KCNMB2: variants seen among roughly 807,000 people sequenced by gnomAD.
KCNMB2 encodes potassium calcium-activated channel subfamily M regulatory beta subunit 2.
A neutral mutation model predicts 24.5 loss-of-function variants in KCNMB2; 9 were observed. The observed-to-expected ratio is 0.37, with a 90% CI of 0.22 to 0.64. The LOEUF (loss-of-function observed/expected upper bound fraction) is 0.64, where lower values mean the gene tolerates loss of function less well. Ranked by LOEUF, KCNMB2 falls within the 30% of genes least tolerant of loss-of-function variation. The pLI, the probability that KCNMB2 is intolerant of heterozygous loss-of-function variation, is 0.63. For missense variants in KCNMB2, 226 were observed against 284.3 expected, an observed-to-expected ratio of 0.79 and a Z score of 1.47; for synonymous variants, 109 against 104.4, an observed-to-expected ratio of 1.04 and a Z score of -0.27.
chr3:178,642,737 T>C (rs1397332170), intron 1 of KCNMB2, among the ~76,000 whole-genome samples: 6 of 152,234 alleles, frequency 3.9e-5, no homozygotes, highest in Admixed American at 3.3e-4. Flanking sequence ...TTTTCAACTA[T>C]ATCACCAATT....
At chr3:178,680,892 G>C (rs147724985) in intron 1 of KCNMB2, among the ~76,000 whole-genome samples, 2 of 152,156 alleles carry the variant, frequency 1.3e-5, no homozygotes, top group Non-Finnish European at 1.5e-5. Context: ...CTGAAGATAA[G>C]TGCCTGAAGG....
chr3:178,663,994 T>C (rs1720629257), intron 1 of KCNMB2, among the ~76,000 whole-genome samples: 1 of 152,152 alleles, frequency 6.6e-6, no homozygotes, highest in African/African-American at 2.4e-5. Flanking sequence ...CTAGTCCTTC[T>C]AACCATCTAG....
At chr3:178,756,640 A>G (rs1015934446) in intron 1 of KCNMB2, among the ~76,000 whole-genome samples, 3 of 152,152 alleles carry the variant, frequency 2.0e-5, no homozygotes, top group Non-Finnish European at 4.4e-5. Context: ...TTTATCAGGC[A>G]TCATCTCATG....
intron 2 of KCNMB2, among the ~76,000 whole-genome samples, chr3:178,823,171 G>A (rs369510275): frequency 1.3e-5 from 2 of 152,182 alleles, no homozygotes; most frequent in East Asian, 1.9e-4. Flanking sequence ...AAGCTTTGAT[G>A]TAAATCCTAG....
Position 178,570,846 on chromosome 3 carries a change from A to G in KCNMB2, c.-68+34135A>G, listed in dbSNP as rs112640600. On this transcript the variant is annotated intron_variant, in intron 1 of 4. Transcript: ENST00000452583. Reference sequence around the variant, plus strand: ...AAGAAAAGGAGCTTTGACCACAAAGATATGCTATCTTACTTAACAATTTAC... The same window carrying G: ...AAGAAAAGGAGCTTTGACCACAAAGGTATGCTATCTTACTTAACAATTTAC... Among the ~76,000 whole-genome samples, 1,067 of 152,300 alleles carry G rather than the reference A, an allele frequency of 7.0e-3. 13 individuals are homozygous for G. Among genetic ancestry groups the G allele is most frequent in the African/African-American group, 0.024 (1,011 of 41,566 alleles).
intron 1 of KCNMB2, among the ~76,000 whole-genome samples, chr3:178,590,992 A>ATCCATGT (rs1295285987): frequency 1.3e-5 from 2 of 152,196 alleles, no homozygotes; most frequent in East Asian, 3.8e-4. Flanking sequence ...ATGATCCATG[A>ATCCATGT]TCCACTAAAA....
intron 1 of KCNMB2, among the ~76,000 whole-genome samples, chr3:178,655,152 T>TA (rs1720289025): frequency 2.5e-5 from 3 of 122,014 alleles, no homozygotes; most frequent in Non-Finnish European, 3.6e-5. Context: ...CTATCTCTAT[T>TA]TCTCTGGGAC....
intron 1 of KCNMB2, among the ~76,000 whole-genome samples, chr3:178,636,183 A>C (rs561240294): frequency 1.5e-4 from 23 of 152,358 alleles, no homozygotes; most frequent in Non-Finnish European, 2.5e-4. Flanking sequence ...GGACTTACAG[A>C]AAATTGCTTC....
intron 1 of KCNMB2, among the ~76,000 whole-genome samples, chr3:178,754,665 G>A (rs1006829007): frequency 2.6e-5 from 4 of 152,144 alleles, no homozygotes; most frequent in Non-Finnish European, 4.4e-5. Flanking sequence ...AGGGGAGGTA[G>A]GTAGATCACA....
At chr3:178,573,790 G>A (rs1274304734) in intron 1 of KCNMB2, among the ~76,000 whole-genome samples, 4 of 148,496 alleles carry the variant, frequency 2.7e-5, no homozygotes, top group African/African-American at 9.9e-5. Flanking sequence ...TAGCAGCAAT[G>A]TTGTATGAGA....
At chr3:178,635,737 T>C (rs1357048403) in intron 1 of KCNMB2, among the ~76,000 whole-genome samples, 2 of 152,248 alleles carry the variant, frequency 1.3e-5, no homozygotes. Context: ...ATACTAATCA[T>C]TCACCACTGT....
intron 1 of KCNMB2, among the ~76,000 whole-genome samples, chr3:178,691,426 G>T (rs1475242486): frequency 4.0e-5 from 6 of 151,200 alleles, no homozygotes; most frequent in Non-Finnish European, 5.9e-5. Context: ...CCTCTAATAG[G>T]GTCCCAGTGT....
At chr3:178,680,388 G>T (rs1485799806) in intron 1 of KCNMB2, among the ~76,000 whole-genome samples, 2 of 152,126 alleles carry the variant, frequency 1.3e-5, no homozygotes, top group East Asian at 3.8e-4. Context: ...ACCTACCTGT[G>T]CTATCTGGAG....
intron 1 of KCNMB2, among the ~76,000 whole-genome samples, chr3:178,588,126 T>G (rs1717525415): frequency 2.0e-5 from 3 of 152,016 alleles, no homozygotes; most frequent in African/African-American, 7.3e-5. Context: ...TCTGACCTAC[T>G]AAGAGATGGC....
intron 1 of KCNMB2, among the ~76,000 whole-genome samples, chr3:178,794,500 T>A (rs1258435186): frequency 6.6e-6 from 1 of 152,242 alleles, no homozygotes; most frequent in Non-Finnish European, 1.5e-5. Context: ...GAGTTGCTGC[T>A]GGTCCCTGTC....
At chr3:178,833,767 A>G (rs543168589) in intron 4 of KCNMB2, among the ~76,000 whole-genome samples, 4 of 152,112 alleles carry the variant, frequency 2.6e-5, no homozygotes, top group Non-Finnish European at 5.9e-5. Flanking sequence ...TCTCTCACAT[A>G]GTTTTTCTTT....
intron 1 of KCNMB2, among the ~76,000 whole-genome samples, chr3:178,726,183 A>G (rs1291575452): frequency 6.6e-6 from 1 of 151,960 alleles, no homozygotes; most frequent in African/African-American, 2.4e-5. Flanking sequence ...TTCAAGTAGA[A>G]TGTAAAACTC....
At position 178,786,082 on chromosome 3, in the gene KCNMB2, A is replaced by G. The variant is rs189657180; in HGVS notation, c.-67-21261A>G. Among the ~76,000 whole-genome samples, 297 of 152,288 alleles carry G rather than the reference A, an allele frequency of 2.0e-3. 3 individuals are homozygous for G. The highest frequency in any genetic ancestry group is 6.7e-3 in the African/African-American group (277 of 41,572). On this transcript the variant is annotated intron_variant, in intron 1 of 4. Transcript: ENST00000452583. ...ACAATTGCACTAAGCAATAAAAGAC[A>G]TGAATAAATCAAAGGAAGCTTTGTC...
At chr3:178,721,946 AT>A (rs1415323917) in intron 1 of KCNMB2, among the ~76,000 whole-genome samples, 1 of 152,134 alleles carries the variant, frequency 6.6e-6, no homozygotes, top group Non-Finnish European at 1.5e-5. Flanking sequence ...TTTTTTACAC[AT>A]CCTTCTTACA....
Sources: gnomAD v4.1 joint callset for allele counts (sites outside exome capture counted in the v4.1 genomes callset) on GRCh38, gnomAD v4.1.1 for gene constraint, MANE v1.5 for transcripts, NCBI Gene and HGNC (gene_info 2026-07-23, HGNC 2026-07-21) for gene names.